The following ITGA11 variants were observed in gnomAD, a reference collection of about 807,000 sequenced individuals.
The protein encoded by ITGA11 is integrin subunit alpha 11, also known as integrin alpha-11.
Under a neutral mutation model 141.9 loss-of-function variants are expected in ITGA11, and 97 were observed. The ratio of observed to expected loss-of-function variants is 0.68; its 90% CI spans 0.58 to 0.81. The LOEUF (loss-of-function observed/expected upper bound fraction) is 0.81, where lower values mean the gene tolerates loss of function less well. ITGA11 is among the 30% of genes least tolerant of loss of function. ITGA11 has a pLI of 0.00. For missense variants in ITGA11, 1,387 were observed against 1,559.2 expected (o/e 0.89, Z 1.86); for synonymous variants, 658 against 624.6 (o/e 1.05, Z -0.80).
chr15:68,303,654 G>T lies in ITGA11; in HGVS notation c.3495+118C>A, dbSNP rs1893098951. On this transcript the variant is annotated intron_variant, in intron 29 of 29. Transcript: ENST00000315757. The surrounding 1 kb of genome is among the most constrained non-coding windows in gnomAD (Gnocchi z 5.3). ...ACCAGTGTGTCTGCTATGGCGAGGGGTGGGGTGCCAGCTCCCCTGGAGAGG... is the reference window on the plus strand; with the variant it reads ...ACCAGTGTGTCTGCTATGGCGAGGGTTGGGGTGCCAGCTCCCCTGGAGAGG... 1.5e-6 allele frequency: 1 copy of T among 650,850 alleles called. No individual in the cohort carries two copies. Among genetic ancestry groups the T allele is most frequent in the Non-Finnish European group, 2.7e-6 (1 of 369,586 alleles). 40.3% of individuals were successfully genotyped at this position (650,850 alleles called of 1,614,324 possible).
Position 68,321,848 on chromosome 15 carries a change from C to T in ITGA11, c.2323-345G>A, listed in dbSNP as rs1893825064. Among the ~76,000 whole-genome samples, 2 of 152,216 alleles carry T rather than the reference C, an allele frequency of 1.3e-5. No individual in the cohort carries two copies. Among genetic ancestry groups the T allele is most frequent in the Admixed American group, 1.3e-4 (2 of 15,274 alleles). On this transcript the variant is annotated intron_variant, in intron 18 of 29. Coordinates refer to ENST00000315757, the MANE Select transcript of ITGA11 (RefSeq NM_001004439.2). This position sits in a 1 kb window ranked among gnomAD's most constrained non-coding sequence, Gnocchi z 4.9. Reference sequence around the variant, plus strand: ...CTGGGGATACAAAACAAGAAAGATGCAGCTTCTGCCCTCAGCTCAAGGGGA... The same window carrying T: ...CTGGGGATACAAAACAAGAAAGATGTAGCTTCTGCCCTCAGCTCAAGGGGA...
At chr15:68,332,306 T>G in intron 13 of ITGA11, 32 bp downstream of exon 13, 2 of 1,584,556 alleles carry the variant, frequency 1.3e-6, no homozygotes, top group Non-Finnish European at 1.7e-6. Flanking sequence ...TGGGGGCACC[T>G]GAGAAGCTGC....
At chr15:68,369,368 GGTGAAGTTGGGTGGGGAGGGTGGGA>G in intron 2 of ITGA11, 84 bp from the exon 3 acceptor site, 1 of 338,906 alleles carries the variant, frequency 3.0e-6, no homozygotes, top group Non-Finnish European at 5.9e-6. Context: ...GCAGTGTGGA[GGTGAAGTTGGGTGGGGAGGGTGGGA>G]GGGAACCCTG....
In ITGA11 at chr15:68,326,787, T is replaced by A; in HGVS notation, c.2078A>T (p.Tyr693Phe). 1 of 1,580,806 alleles carries A rather than the reference T, an allele frequency of 6.3e-7. No homozygotes were observed. The highest frequency in any genetic ancestry group is 8.6e-7 in the Non-Finnish European group (1 of 1,162,716). ...CCGCCTCTCATCCATGGTGGCGTTG[T>A]ATCTGATGCCTGCAGGAGGGGAGAG... ...HFQTTTVGIR[Y>F]NATMDERRYT... The change falls in exon 17 of 30, where the codon TAC (tyrosine) becomes TTC (phenylalanine). Residue 693 changes from tyrosine to phenylalanine, a missense_variant. Coordinates refer to ENST00000315757, the MANE Select transcript of ITGA11 (RefSeq NM_001004439.2). This position sits in a 1 kb window ranked among gnomAD's most constrained non-coding sequence, Gnocchi z 6.8.
chr15:68,313,502 C>T lies in ITGA11; in HGVS notation c.2882+277G>A, dbSNP rs148739722. ...ACTTGTTGCCTATGCCAGGGGTGGA[C>T]GCCTCCCACTGCCCCCACCCTCCCT... On this transcript the variant is annotated intron_variant, in intron 23 of 29. Transcript: ENST00000315757. 5.8e-3 allele frequency among the ~76,000 whole-genome samples: 879 copies of T among 152,282 alleles called. 4 individuals carry two copies. Among genetic ancestry groups the T allele is most frequent in the East Asian group, 0.035 (180 of 5,178 alleles).
At chr15:68,336,537 T>C (rs1041576819) in intron 11 of ITGA11, among the ~76,000 whole-genome samples, 1 of 152,144 alleles carries the variant, frequency 6.6e-6, no homozygotes, top group African/African-American at 2.4e-5. Flanking sequence ...GGTATGGCTG[T>C]GCCTGATCAC....
At chr15:68,387,804 C>T (rs1896022006) in intron 2 of ITGA11, among the ~76,000 whole-genome samples, 1 of 152,102 alleles carries the variant, frequency 6.6e-6, no homozygotes, top group African/African-American at 2.4e-5. Context: ...CACCCACCTT[C>T]GTCTTCCTCA....
At chr15:68,349,420 C>T (rs916929406) in intron 9 of ITGA11, among the ~76,000 whole-genome samples, 1 of 152,228 alleles carries the variant, frequency 6.6e-6, no homozygotes, top group East Asian at 1.9e-4. Context: ...AGCCTCTCCC[C>T]ACAGAGGGAC....
rs1896553220 is a variant in ITGA11 at position 68,403,176 on chromosome 15, C to T, written c.53-147G>A. ...GCATGTTTCCCCATCTTGGGGAGTCCCTGTATGAGGTGGCTGATGTAGTCC... is the reference window on the plus strand; with the variant it reads ...GCATGTTTCCCCATCTTGGGGAGTCTCTGTATGAGGTGGCTGATGTAGTCC... On this transcript the variant is annotated intron_variant, in intron 1 of 29. Coordinates refer to ENST00000315757, the MANE Select transcript of ITGA11 (RefSeq NM_001004439.2). The T allele has an allele frequency of 6.3e-6, 4 of 632,970 alleles. No individual in the cohort carries two copies. In the Admixed American group the frequency reaches 1.0e-4, roughly 16 times the overall value. 39.2% of individuals were successfully genotyped at this position (632,970 alleles called of 1,614,324 possible). A position where few individuals can be genotyped will look rare whatever the true frequency, so the allele number is the denominator to read the frequency against.
intron 1 of ITGA11, among the ~76,000 whole-genome samples, chr15:68,419,039 G>A (rs780843562): frequency 1.4e-4 from 21 of 152,028 alleles, no homozygotes; most frequent in Non-Finnish European, 2.9e-4. Flanking sequence ...AGGAATTGTG[G>A]GGGCCCTTCC....
intron 5 of ITGA11, among the ~76,000 whole-genome samples, chr15:68,360,473 A>G (rs1429307217): frequency 2.0e-5 from 3 of 152,158 alleles, no homozygotes; most frequent in African/African-American, 4.8e-5. Context: ...GCTTAAAAAC[A>G]CACACACTCA....
intron 4 of ITGA11, among the ~76,000 whole-genome samples, chr15:68,363,887 G>A (rs1257246296): frequency 6.6e-6 from 1 of 152,218 alleles, no homozygotes; most frequent in East Asian, 1.9e-4. Flanking sequence ...ACAGAGACCT[G>A]TAAGCAGAGC....
intron 7 of ITGA11, 65 bp downstream of exon 7, chr15:68,357,086 G>A: frequency 6.9e-7 from 1 of 1,440,654 alleles, no homozygotes; most frequent in South Asian, 1.3e-5. Flanking sequence ...GTGTTACAAG[G>A]CAATAGATAA....
intron 2 of ITGA11, among the ~76,000 whole-genome samples, chr15:68,384,496 T>C (rs1895936227): frequency 6.6e-6 from 1 of 152,180 alleles, no homozygotes; most frequent in African/African-American, 2.4e-5. Context: ...TGAGGACGAA[T>C]GTCTGGATTT....
At chr15:68,318,969 G>T (rs1893695955) in intron 20 of ITGA11, among the ~76,000 whole-genome samples, 1 of 152,210 alleles carries the variant, frequency 6.6e-6, no homozygotes, top group Non-Finnish European at 1.5e-5. Flanking sequence ...CACAGACATG[G>T]CTAAGACAGG....
intron 2 of ITGA11, among the ~76,000 whole-genome samples, chr15:68,400,612 A>AAT (rs1271972989): frequency 2.0e-5 from 2 of 98,490 alleles, no homozygotes; most frequent in African/African-American, 4.1e-5. Context: ...TATAATATAT[A>AAT]ATATATATTA....
intron 5 of ITGA11, 127 bp downstream of exon 5, chr15:68,361,463 A>C (rs1160520442): frequency 1.6e-6 from 1 of 641,388 alleles, no homozygotes; most frequent in Admixed American, 2.5e-5. Flanking sequence ...GGTCATCCGG[A>C]GAGCTGGGGC....
At chr15:68,431,227 G>A (rs891407796) in intron 1 of ITGA11, among the ~76,000 whole-genome samples, 1 of 152,226 alleles carries the variant, frequency 6.6e-6, no homozygotes, top group East Asian at 1.9e-4. Flanking sequence ...CCCTCGGGCC[G>A]GAGGTTCCTG....
intron 7 of ITGA11, among the ~76,000 whole-genome samples, chr15:68,353,081 G>A (rs1390120022): frequency 6.6e-6 from 1 of 152,232 alleles, no homozygotes; most frequent in Non-Finnish European, 1.5e-5. Flanking sequence ...ACAGATTTAA[G>A]CTCTGTAGTG....
Sources: gnomAD v4.1 joint callset for allele counts (sites outside exome capture counted in the v4.1 genomes callset) on GRCh38, gnomAD v4.1.1 for gene constraint, Gnocchi (gnomAD v3.1) non-coding constraint, MANE v1.5 for transcripts, NCBI Gene and HGNC (gene_info 2026-07-23, HGNC 2026-07-21) for gene names.